Variants in TCF12 observed in about 807,000 individuals in gnomAD.
The protein encoded by TCF12 is DNA-binding protein HTF4.
TCF12 carries 45 observed loss-of-function variants against 86.0 expected under a neutral mutation model. That is an observed-to-expected ratio of 0.52 (90% confidence interval 0.41 to 0.67). TCF12 has a LOEUF of 0.67. Among genes scored for constraint, TCF12 ranks in the 30% least tolerant of loss-of-function variants. The probability of loss-of-function intolerance (pLI) is 0.00; values close to 1 mark genes in which losing one functional copy is unlikely to be tolerated. For synonymous variants in TCF12, 330 were observed against 299.6 expected (o/e 1.10, Z -1.05); for missense variants, 881 against 859.9 (o/e 1.02, Z -0.31).
intron 8 of TCF12, among the ~76,000 whole-genome samples, chr15:57,203,030 T>C (rs1450457204): frequency 6.6e-6 from 1 of 152,198 alleles, no homozygotes; most frequent in African/African-American, 2.4e-5. Context: ...AGGATAAGTA[T>C]TATAGTGAAA....
At chr15:57,149,666 C>T (rs549480958) in intron 5 of TCF12, among the ~76,000 whole-genome samples, 30 of 152,242 alleles carry the variant, frequency 2.0e-4, no homozygotes, top group Admixed American at 1.0e-3. Context: ...GGTAAAGTCT[C>T]GCTGAGTAGG....
At chr15:56,997,847 G>C (rs1049195169) in intron 3 of TCF12, among the ~76,000 whole-genome samples, 6 of 152,106 alleles carry the variant, frequency 3.9e-5, no homozygotes, top group African/African-American at 1.4e-4. Flanking sequence ...GTATAGGTGG[G>C]TTAAAAGTGA....
At chr15:56,961,657 A>T (rs184604899) in intron 3 of TCF12, among the ~76,000 whole-genome samples, 2 of 152,222 alleles carry the variant, frequency 1.3e-5, no homozygotes, top group African/African-American at 2.4e-5. Context: ...GTCATTACCA[A>T]TTAGTGGGTT....
At chr15:56,931,757 C>T (rs2060258247) in intron 3 of TCF12, among the ~76,000 whole-genome samples, 2 of 152,050 alleles carry the variant, frequency 1.3e-5, no homozygotes, top group South Asian at 4.2e-4. Flanking sequence ...TGGCTCAGAC[C>T]CACTACTGTT....
chr15:57,267,123 TGATATGTGTATATATCTTATACA>T (rs1188591673), intron 18 of TCF12, among the ~76,000 whole-genome samples: 2 of 152,260 alleles, frequency 1.3e-5, no homozygotes, highest in Non-Finnish European at 2.9e-5. Flanking sequence ...CATTTATCAA[TGATATGTGTATATATCTTATACA>T]GATTTAAAAC....
intron 3 of TCF12, among the ~76,000 whole-genome samples, chr15:57,007,889 CCTTCCTTCCTTCCTTCCTTCCTTCCT>C (rs2064545762): frequency 8.5e-6 from 1 of 117,372 alleles, no homozygotes; most frequent in Non-Finnish European, 1.8e-5. Flanking sequence ...TTCCTTCCTT[CCTTCCTTCCTTCCTTCCTTCCTTCCT>C]CTTTCTTTGT....
intron 8 of TCF12, among the ~76,000 whole-genome samples, chr15:57,202,539 C>T (rs2057596436): frequency 6.6e-6 from 1 of 151,310 alleles, no homozygotes; most frequent in South Asian, 2.1e-4. Context: ...AGATTCATGC[C>T]ATTCTCCTGC....
chr15:56,973,446 A>G (rs1193511412), intron 3 of TCF12, among the ~76,000 whole-genome samples: 6 of 152,124 alleles, frequency 3.9e-5, no homozygotes, highest in Non-Finnish European at 8.8e-5. Context: ...ATAAATAATA[A>G]TAGTGATGGC....
At chr15:57,151,252 A>T (rs1437595949) in intron 5 of TCF12, among the ~76,000 whole-genome samples, 3 of 148,704 alleles carry the variant, frequency 2.0e-5, no homozygotes, top group Non-Finnish European at 4.4e-5. Flanking sequence ...AGTTGCTGGG[A>T]TTATATGTGT....
At chr15:57,089,056 T>C (rs539165927) in intron 4 of TCF12, among the ~76,000 whole-genome samples, 1 of 152,324 alleles carries the variant, frequency 6.6e-6, no homozygotes, top group Admixed American at 6.5e-5. Context: ...GTCCTTGAAG[T>C]GAAGTTTTGG....
At chr15:57,225,958 C>G (rs1201465601) in intron 8 of TCF12, among the ~76,000 whole-genome samples, 1 of 150,896 alleles carries the variant, frequency 6.6e-6, no homozygotes, top group African/African-American at 2.4e-5. Context: ...TGTGCTGCAC[C>G]CATTAACTTG....
At chr15:57,274,206 A>C (rs2061275103) in intron 19 of TCF12, among the ~76,000 whole-genome samples, 1 of 130,184 alleles carries the variant, frequency 7.7e-6, no homozygotes, top group Non-Finnish European at 1.6e-5. Flanking sequence ...ATGCTTGAAA[A>C]CTACAGCCAT....
At chr15:57,036,419 A>G (rs1272483609) in intron 3 of TCF12, among the ~76,000 whole-genome samples, 1 of 152,208 alleles carries the variant, frequency 6.6e-6, no homozygotes, top group Non-Finnish European at 1.5e-5. Context: ...AGATTTTGAG[A>G]AACTGCCAGA....
At chr15:57,250,720 T>C (rs1340164299) in intron 13 of TCF12, among the ~76,000 whole-genome samples, 4 of 147,856 alleles carry the variant, frequency 2.7e-5, no homozygotes, top group Non-Finnish European at 6.0e-5. Context: ...CAGAGCAAGA[T>C]GCCATCTCAA....
At chr15:57,098,290 C>G (rs2049482156) in intron 5 of TCF12, among the ~76,000 whole-genome samples, 1 of 152,152 alleles carries the variant, frequency 6.6e-6, no homozygotes, top group South Asian at 2.1e-4. Flanking sequence ...CTTTTTTCCT[C>G]TTTTTAACTT....
intron 13 of TCF12, among the ~76,000 whole-genome samples, chr15:57,245,471 C>T (rs182350705): frequency 5.4e-4 from 83 of 152,348 alleles, no homozygotes; most frequent in Admixed American, 1.6e-3. Context: ...ATTTTTGCTA[C>T]AGCTTGTTTC....
chr15:57,192,385 T>C (rs1188225611), intron 7 of TCF12, 92 bp downstream of exon 7: 5 of 1,509,186 alleles, frequency 3.3e-6, no homozygotes, highest in Admixed American at 2.2e-5. Flanking sequence ...TTTTTTTTTT[T>C]TTTCTTTCCG....
chr15:57,271,906 C>A (rs770452456), intron 18 of TCF12, among the ~76,000 whole-genome samples: 6 of 152,150 alleles, frequency 3.9e-5, no homozygotes, highest in Admixed American at 6.5e-5. Flanking sequence ...TTAACAGCCA[C>A]CTTATTCATA....
chr15:57,286,686 G>A lies in TCF12; in HGVS notation c.*541G>A. On this transcript the variant is annotated 3_prime_UTR_variant, in exon 21 of 21. Coordinates refer to ENST00000333725, the MANE Select transcript of TCF12 (RefSeq NM_207037.2). ...GCATACCTATTAGTGTCTTAAAAAG[G>A]AAGGGAAAAGTCTTTTGTTGCCCTC... The A allele has an allele frequency of 2.2e-6, 1 of 456,442 alleles. No homozygotes were observed. Among genetic ancestry groups the A allele is most frequent in the Non-Finnish European group, 4.4e-6 (1 of 226,898 alleles). 28.3% of individuals were successfully genotyped at this position (456,442 alleles called of 1,614,324 possible).
Sources: allele counts gnomAD v4.1 joint callset (sites outside exome capture counted in the v4.1 genomes callset), GRCh38; gene constraint gnomAD v4.1.1; transcripts MANE v1.5; gene names NCBI Gene and HGNC (gene_info 2026-07-23, HGNC 2026-07-21).